The following ZNF385D variants were observed in gnomAD, a reference collection of about 807,000 sequenced individuals.
The protein encoded by ZNF385D is zinc finger protein 659.
In ZNF385D, 15 loss-of-function variants were observed where a neutral mutation model predicts 35.8. The observed-to-expected ratio is 0.42, with a 90% CI of 0.28 to 0.64. ZNF385D has a LOEUF of 0.64. ZNF385D is among the 30% of genes least tolerant of loss of function. The pLI is 0.23. For synonymous variants in ZNF385D, 212 were observed against 186.8 expected (o/e 1.13, Z -1.10); for missense variants, 474 against 494.6 (o/e 0.96, Z 0.39).
intron 2 of ZNF385D, among the ~76,000 whole-genome samples, chr3:22,324,342 A>C (rs1187445932): frequency 1.3e-5 from 2 of 152,166 alleles, no homozygotes; most frequent in East Asian, 1.9e-4. Context: ...AATATTTAGG[A>C]AACAAAATCT....
chr3:22,347,372 C>G (rs936375706), intron 2 of ZNF385D, among the ~76,000 whole-genome samples: 13 of 152,160 alleles, frequency 8.5e-5, no homozygotes, highest in Non-Finnish European at 1.9e-4. Flanking sequence ...GAGTTTTGAT[C>G]TATACAGTTC....
At chr3:22,257,313 T>G (rs1248154871) in intron 2 of ZNF385D, among the ~76,000 whole-genome samples, 3 of 151,802 alleles carry the variant, frequency 2.0e-5, no homozygotes, top group Non-Finnish European at 4.4e-5. Context: ...TTCCTTTTTA[T>G]TTCTTCAATT....
intron 3 of ZNF385D, among the ~76,000 whole-genome samples, chr3:21,882,591 C>A (rs993860505): frequency 1.3e-5 from 2 of 151,892 alleles, no homozygotes; most frequent in African/African-American, 4.8e-5. Context: ...AACTCTGAGT[C>A]GTGCCTGTAC....
In ZNF385D at chr3:21,465,087, G is replaced by C. The variant is rs1454515486; in HGVS notation, c.440-27884C>G. On this transcript the variant is annotated intron_variant, in intron 4 of 7. Transcript: ENST00000281523. This position sits in a 1 kb window ranked among gnomAD's most constrained non-coding sequence, Gnocchi z 4.2. ...TTCATATCCAGGTACTTTACATCTT[G>C]TTTTCAACAGATTTCCAAAGCTGTC... is the stretch of plus-strand genomic sequence containing the variant. Among the ~76,000 whole-genome samples, 1 of 151,972 alleles carries C rather than the reference G, an allele frequency of 6.6e-6. No individual in the cohort carries two copies. Among genetic ancestry groups the C allele is most frequent in the African/African-American group, 2.4e-5 (1 of 41,370 alleles).
At chr3:21,600,008 G>A (rs1051043167) in intron 2 of ZNF385D, among the ~76,000 whole-genome samples, 10 of 152,272 alleles carry the variant, frequency 6.6e-5, no homozygotes, top group Middle Eastern at 3.4e-3. Flanking sequence ...CGGCTAAAAC[G>A]AAAACCAAGA....
intron 3 of ZNF385D, among the ~76,000 whole-genome samples, chr3:21,854,491 T>C (rs1164250764): frequency 6.6e-6 from 1 of 151,930 alleles, no homozygotes; most frequent in Non-Finnish European, 1.5e-5. Flanking sequence ...TTGCACTTGG[T>C]TTAATGATCT....
At chr3:21,470,768 G>C (rs1173171252) in intron 4 of ZNF385D, among the ~76,000 whole-genome samples, 1 of 151,994 alleles carries the variant, frequency 6.6e-6, no homozygotes, top group Non-Finnish European at 1.5e-5. Context: ...CATATATTTT[G>C]AGTTTTGACA....
At chr3:22,100,934 T>C (rs1559369149) in intron 3 of ZNF385D, among the ~76,000 whole-genome samples, 2 of 151,764 alleles carry the variant, frequency 1.3e-5, no homozygotes, top group African/African-American at 4.8e-5. Context: ...ATATATAAAA[T>C]AGTAAATGTG....
intron 3 of ZNF385D, among the ~76,000 whole-genome samples, chr3:21,897,170 C>A (rs369330731): frequency 1.8e-4 from 28 of 152,216 alleles, no homozygotes; most frequent in African/African-American, 6.3e-4. Context: ...GGGTTTTTTA[C>A]TACCTGAGAT....
At chr3:21,700,006 A>G (rs1219831009) in intron 1 of ZNF385D, among the ~76,000 whole-genome samples, 2 of 151,468 alleles carry the variant, frequency 1.3e-5, no homozygotes, top group Admixed American at 1.3e-4. Context: ...TAATTTTTGT[A>G]TTTTTAGTAG....
At chr3:21,977,194 G>A (rs1703684018) in intron 3 of ZNF385D, among the ~76,000 whole-genome samples, 1 of 152,080 alleles carries the variant, frequency 6.6e-6, no homozygotes, top group African/African-American at 2.4e-5. Context: ...GGGCTGCTAG[G>A]GGTGTTGGTA....
At chr3:21,985,520 C>T (rs1310819439) in intron 3 of ZNF385D, among the ~76,000 whole-genome samples, 4 of 116,746 alleles carry the variant, frequency 3.4e-5, no homozygotes, top group African/African-American at 7.5e-5. Context: ...ATGAAGCCCA[C>T]TTGATCATGG....
chr3:22,062,909 T>G (rs112680541), intron 3 of ZNF385D, among the ~76,000 whole-genome samples: 56 of 152,302 alleles, frequency 3.7e-4, no homozygotes, highest in Middle Eastern at 3.4e-3. Context: ...CAGCCCTAGT[T>G]AGGCCTTCAA....
intron 3 of ZNF385D, among the ~76,000 whole-genome samples, chr3:21,844,938 C>A (rs1461375948): frequency 6.6e-6 from 1 of 151,808 alleles, no homozygotes; most frequent in South Asian, 2.1e-4. Flanking sequence ...GTTTCACTTA[C>A]AGAGCTATTG....
chr3:22,193,805 T>C (rs1696222513), intron 2 of ZNF385D, among the ~76,000 whole-genome samples: 1 of 152,044 alleles, frequency 6.6e-6, no homozygotes, highest in Admixed American at 6.6e-5. Context: ...GCCTCAAAGA[T>C]ATTGTTTCAA....
At chr3:21,442,927 GAAGATA>G (rs1701941745) in intron 4 of ZNF385D, among the ~76,000 whole-genome samples, 1 of 136,494 alleles carries the variant, frequency 7.3e-6, no homozygotes, top group Non-Finnish European at 1.6e-5. Context: ...TGAGAGGTTG[GAAGATA>G]TCACAACTTC....
intron 3 of ZNF385D, among the ~76,000 whole-genome samples, chr3:21,971,279 TAATA>T (rs760616487): frequency 1.9e-4 from 29 of 152,062 alleles, no homozygotes; most frequent in Non-Finnish European, 2.8e-4. Context: ...AGACATAGCA[TAATA>T]AATAAATGGA....
chr3:22,196,863 G>A (rs1432390450), intron 2 of ZNF385D, among the ~76,000 whole-genome samples: 1 of 151,976 alleles, frequency 6.6e-6, no homozygotes, highest in Non-Finnish European at 1.5e-5. Context: ...CCTCACTCTA[G>A]AGATTGTCCT....
chr3:21,689,490 T>C (rs2067214063), intron 1 of ZNF385D, among the ~76,000 whole-genome samples: 1 of 152,134 alleles, frequency 6.6e-6, no homozygotes, highest in Non-Finnish European at 1.5e-5. Context: ...GGAAAAACTA[T>C]AAATACAATA....
Sources: gnomAD v4.1 joint callset for allele counts (sites outside exome capture counted in the v4.1 genomes callset) on GRCh38, gnomAD v4.1.1 for gene constraint, Gnocchi (gnomAD v3.1) non-coding constraint, MANE v1.5 for transcripts, NCBI Gene and HGNC (gene_info 2026-07-23, HGNC 2026-07-21) for gene names.